The following MAP3K9 variants were observed in gnomAD, a reference collection of about 807,000 sequenced individuals.
MAP3K9 encodes mixed lineage kinase 1 (tyr and ser/thr specificity).
Under a neutral mutation model 95.8 loss-of-function variants are expected in MAP3K9, and 46 were observed. The observed-to-expected ratio is 0.48, with a 90% CI of 0.38 to 0.61. The LOEUF (loss-of-function observed/expected upper bound fraction) is 0.61. Among genes scored for constraint, MAP3K9 ranks in the 20% least tolerant of loss-of-function variants. The probability of loss-of-function intolerance (pLI) is 0.00; values close to 1 mark genes in which losing one functional copy is unlikely to be tolerated. For synonymous variants in MAP3K9, 533 were observed against 593.8 expected, an observed-to-expected ratio of 0.90 and a Z score of 1.49; for missense variants, 1,296 against 1,474.3, an observed-to-expected ratio of 0.88 and a Z score of 1.98.
rs1008399641 is a variant in MAP3K9, at chr14:70,727,415, C to T, written c.*2965G>A. Reference sequence around the variant, plus strand: ...CAGAGAGCAGTATCTGTTCCTATTACCATCTTCCATGAAGTTAGCACCTGC... The same window carrying T: ...CAGAGAGCAGTATCTGTTCCTATTATCATCTTCCATGAAGTTAGCACCTGC... On this transcript the variant is annotated 3_prime_UTR_variant, in exon 12 of 12. Coordinates refer to ENST00000554752, the MANE Select transcript of MAP3K9 (RefSeq NM_001284230.2). 7.9e-5 allele frequency: 12 copies of T among 152,264 alleles called. No homozygotes were observed. The highest frequency in any genetic ancestry group is 6.5e-4 in the Admixed American group (10 of 15,282). 9.4% of individuals were successfully genotyped at this position (152,264 alleles called of 1,614,324 possible). A position where few individuals can be genotyped will look rare whatever the true frequency, so the allele number is the denominator to read the frequency against.
intron 3 of MAP3K9, among the ~76,000 whole-genome samples, chr14:70,760,712 G>A (rs1421180545): frequency 2.6e-5 from 4 of 152,120 alleles, no homozygotes; most frequent in African/African-American, 4.8e-5. Flanking sequence ...ATCTTACAGC[G>A]TAGAGATGGG....
At chr14:70,807,154 C>T (rs1160305807) in intron 1 of MAP3K9, among the ~76,000 whole-genome samples, 2 of 152,000 alleles carry the variant, frequency 1.3e-5, no homozygotes, top group African/African-American at 2.4e-5. Flanking sequence ...GAAAAACAAG[C>T]GAAGAGGCTA....
At chr14:70,782,800 A>C (rs918759192) in intron 2 of MAP3K9, among the ~76,000 whole-genome samples, 1 of 152,138 alleles carries the variant, frequency 6.6e-6, no homozygotes, top group Non-Finnish European at 1.5e-5. Context: ...CTACCTCTGA[A>C]TATTACTCTA....
At chr14:70,760,198 C>A (rs1566746183) in intron 3 of MAP3K9, among the ~76,000 whole-genome samples, 2 of 149,714 alleles carry the variant, frequency 1.3e-5, no homozygotes, top group South Asian at 4.2e-4. Flanking sequence ...TACAACACAT[C>A]AGGACAATAA....
chr14:70,730,829 C>A lies in MAP3K9; in HGVS notation c.2866G>T (p.Gly956Cys), dbSNP rs2053890878. ...GGGTCAGGGAGACGGGGGAATTCAC[C>A]TGGGTCTCGGCTGGGACTGGGGGTT... is the stretch of plus-strand genomic sequence containing the variant. ...LKTPSPSRDP[G>C]EFPRLPDPNV... Residue 956 changes from glycine (G) to cysteine (C), a missense_variant, in exon 12 of 12, where the codon GGT (glycine) becomes TGT (cysteine). Gly to Cys is a radical substitution (Grantham distance 159). Transcript: ENST00000554752. 6.2e-7 allele frequency: 1 copy of A among 1,610,780 alleles called. No individual in the cohort carries two copies. The highest frequency in any genetic ancestry group is 1.3e-5 in the African/African-American group (1 of 74,814).
chr14:70,761,218 C>G, intron 2 of MAP3K9, 36 bp from the exon 3 acceptor site: 2 of 1,533,820 alleles, frequency 1.3e-6, no homozygotes, highest in Non-Finnish European at 8.9e-7. Context: ...AAACCAGAGT[C>G]TGCATTAATC....
At chr14:70,748,373 T>C (rs998032938) in intron 5 of MAP3K9, among the ~76,000 whole-genome samples, 1 of 152,178 alleles carries the variant, frequency 6.6e-6, no homozygotes, top group African/African-American at 2.4e-5. Flanking sequence ...TTGAAATACT[T>C]TTCATAAAAA....
intron 2 of MAP3K9, among the ~76,000 whole-genome samples, chr14:70,769,656 T>C (rs1425704656): frequency 6.6e-6 from 1 of 152,194 alleles, no homozygotes; most frequent in African/African-American, 2.4e-5. Context: ...TTCTAGCAGT[T>C]GCCAGTAGTT....
chr14:70,758,894 C>G (rs1432848099), intron 3 of MAP3K9, among the ~76,000 whole-genome samples: 1 of 152,074 alleles, frequency 6.6e-6, no homozygotes, highest in Admixed American at 6.5e-5. Flanking sequence ...TCCCGAGTAG[C>G]TGGGATTACA....
At chr14:70,748,121 T>C (rs4899369) in intron 5 of MAP3K9, among the ~76,000 whole-genome samples, 1 of 145,258 alleles carries the variant, frequency 6.9e-6, no homozygotes, top group Admixed American at 6.9e-5. Flanking sequence ...AAAAAAAAAA[T>C]GGTAAAAGAA....
intron 9 of MAP3K9, among the ~76,000 whole-genome samples, chr14:70,735,036 A>G (rs1380282985): frequency 1.3e-5 from 2 of 152,256 alleles, no homozygotes; most frequent in African/African-American, 4.8e-5. Flanking sequence ...TTTAAAAGGC[A>G]AAACCAACCC....
At chr14:70,748,174 A>T (rs2054176443) in intron 5 of MAP3K9, among the ~76,000 whole-genome samples, 1 of 151,870 alleles carries the variant, frequency 6.6e-6, no homozygotes, top group Non-Finnish European at 1.5e-5. Context: ...CCCTAGCTAC[A>T]TCCCTTAGAT....
In MAP3K9 at chr14:70,732,638, T is replaced by A; in HGVS notation, c.2731A>T (p.Ser911Cys). 1 of 1,606,964 alleles carries A rather than the reference T, an allele frequency of 6.2e-7. No homozygotes were observed. The highest frequency in any genetic ancestry group is 8.5e-7 in the Non-Finnish European group (1 of 1,176,082). ...CCATCAGAAGGAGTCCGCCGGTGACTGCTGGGCTGCGAGGGGGTGGTGAGG... is the reference window on the plus strand; with the variant it reads ...CCATCAGAAGGAGTCCGCCGGTGACAGCTGGGCTGCGAGGGGGTGGTGAGG... ...VTLTTPSQPS[S>C]HRRTPSDGAL... The change falls in exon 11 of 12, where the codon AGT becomes TGT. Residue 911 changes from serine (S) to cysteine (C), a missense_variant. Around this residue, in one of 5 missense-constraint regions of MAP3K9, gnomAD observed 433 missense variants for 441.4 expected, o/e 0.98. Coordinates refer to ENST00000554752, the MANE Select transcript of MAP3K9 (RefSeq NM_001284230.2).
At chr14:70,784,421 A>G (rs1167968055) in intron 2 of MAP3K9, among the ~76,000 whole-genome samples, 1 of 152,154 alleles carries the variant, frequency 6.6e-6, no homozygotes, top group Non-Finnish European at 1.5e-5. Context: ...TGCAAGCACA[A>G]TTTTGGTTCA....
chr14:70,800,574 T>C, intron 2 of MAP3K9, 93 bp downstream of exon 2: 1 of 1,333,784 alleles, frequency 7.5e-7, no homozygotes, highest in South Asian at 1.4e-5. Context: ...TTCACTGCCC[T>C]CTAAGGTTCC....
intron 8 of MAP3K9, 40 bp from the exon 9 acceptor site, chr14:70,736,069 G>T: frequency 2.2e-6 from 3 of 1,369,716 alleles, no homozygotes; most frequent in Non-Finnish European, 3.1e-6. Context: ...GCAATGGAGG[G>T]CACATCCAGC....
intron 10 of MAP3K9, 134 bp from the exon 11 acceptor site, chr14:70,733,476 G>A (rs2053942213): frequency 1.7e-6 from 1 of 605,712 alleles, no homozygotes; most frequent in East Asian, 2.8e-5. Flanking sequence ...GGTGTGATGA[G>A]CAGGACATGG....
At chr14:70,748,576 C>A (rs2054181397) in intron 5 of MAP3K9, among the ~76,000 whole-genome samples, 1 of 152,084 alleles carries the variant, frequency 6.6e-6, no homozygotes, top group Non-Finnish European at 1.5e-5. Flanking sequence ...TCTCATATTT[C>A]CAGCTGGCAG....
chr14:70,793,566 C>A (rs2054829886), intron 2 of MAP3K9, among the ~76,000 whole-genome samples: 1 of 152,118 alleles, frequency 6.6e-6, no homozygotes, highest in South Asian at 2.1e-4. Context: ...TAATTCCACA[C>A]AAGTGAGGTC....
Sources: gnomAD v4.1 joint callset for allele counts (sites outside exome capture counted in the v4.1 genomes callset) on GRCh38, gnomAD v4.1.1 for gene constraint, gnomAD v4.1.1 regional missense constraint, MANE v1.5 for transcripts, NCBI Gene and HGNC (gene_info 2026-07-23, HGNC 2026-07-21) for gene names.